The following ATP6V1A variants were observed in gnomAD, a reference collection of about 807,000 sequenced individuals.
The protein encoded by ATP6V1A is V-type proton ATPase catalytic subunit A.
ATP6V1A carries 18 observed loss-of-function variants against 70.1 expected under a neutral mutation model. The observed-to-expected ratio is 0.26, with a 90% confidence interval of 0.18 to 0.38. ATP6V1A has a LOEUF of 0.38. ATP6V1A is among the 10% of genes least tolerant of loss of function. The pLI, the probability that ATP6V1A is intolerant of heterozygous loss-of-function variation, is 1.00. For synonymous variants in ATP6V1A, 232 were observed against 253.8 expected (o/e 0.91, Z 0.82); for missense variants, 424 against 772.4 (o/e 0.55, Z 5.35).
At chr3:113,789,662 AAG>A (rs1491244310) in intron 7 of ATP6V1A, 68 bp from the exon 8 acceptor site, 2 of 1,256,708 alleles carry the variant, frequency 1.6e-6, no homozygotes, top group Non-Finnish European at 2.3e-6. Context: ...TAAAAAAAAA[AAG>A]AAAAATAGGG....
chr3:113,790,158 C>T (rs1709076076), intron 8 of ATP6V1A, among the ~76,000 whole-genome samples: 2 of 151,768 alleles, frequency 1.3e-5, no homozygotes, highest in Admixed American at 1.3e-4. Context: ...TTAATCCCAG[C>T]TACTCGGGAG....
In ATP6V1A at chr3:113,805,397, A is replaced by G. The variant is rs780940245; in HGVS notation, c.1633A>G (p.Ile545Val). The G allele has an allele frequency of 8.7e-6, 14 of 1,614,124 alleles. No individual in the cohort carries two copies. Among genetic ancestry groups the G allele is most frequent in the Middle Eastern group, 1.6e-4 (1 of 6,062 alleles). Reference sequence around the variant, plus strand: ...GACAGTAGGGATGCTGTCCAACATGATTGCATTTTATGATATGGCTCGTAG... The same window carrying G: ...GACAGTAGGGATGCTGTCCAACATGGTTGCATTTTATGATATGGCTCGTAG... ...YKTVGMLSNM[I>V]AFYDMARRAV... Residue 545 changes from isoleucine (I) to valine (V), a missense_variant, in exon 14 of 15, where the codon ATT becomes GTT. Coordinates refer to ENST00000273398, the MANE Select transcript of ATP6V1A (RefSeq NM_001690.4).
intron 12 of ATP6V1A, among the ~76,000 whole-genome samples, chr3:113,800,376 A>G (rs1709198243): frequency 6.6e-6 from 1 of 152,226 alleles, no homozygotes; most frequent in African/African-American, 2.4e-5. Context: ...ATAAGGGGGA[A>G]TACAAAACCA....
At chr3:113,771,399 T>C (rs1388577939) in intron 1 of ATP6V1A, among the ~76,000 whole-genome samples, 1 of 151,704 alleles carries the variant, frequency 6.6e-6, no homozygotes, top group African/African-American at 2.4e-5. Context: ...TTTATTTCAC[T>C]GTGGGGAAAA....
intron 1 of ATP6V1A, among the ~76,000 whole-genome samples, chr3:113,748,394 A>G (rs1336878480): frequency 2.6e-5 from 4 of 152,210 alleles, no homozygotes; most frequent in African/African-American, 7.2e-5. Flanking sequence ...GGTCTTACGA[A>G]TATTACAAAT....
rs73228428 is a variant in ATP6V1A at position 113,782,132 on chromosome 3, C to T, written c.211+954C>T. On this transcript the variant is annotated intron_variant, in intron 3 of 14. Coordinates refer to ENST00000273398, the MANE Select transcript of ATP6V1A (RefSeq NM_001690.4). ...TTTAATCAAGATTTATTTGGTACGA[C>T]GTTTTTGCCATTCTAAAACACATGC... Among the ~76,000 whole-genome samples the T allele has an allele frequency of 6.6e-5, 10 of 152,246 alleles. No individual in the cohort carries two copies. In the East Asian group the frequency reaches 1.9e-3, roughly 29 times the overall value.
At position 113,781,185 on chromosome 3, in the gene ATP6V1A, T is replaced by C. The variant is rs2108027202; in HGVS notation, c.211+7T>C. ...CAGGTGTATGAAGAAACTTGTATCC[T>C]TTTTGGCTCAATTTCCTGCCACTTT... On this transcript the variant is annotated splice_region_variant and intron_variant, in intron 3 of 14. Transcript: ENST00000273398. 1 of 1,596,170 alleles carries C rather than the reference T, an allele frequency of 6.3e-7. No homozygotes were observed. The highest frequency in any genetic ancestry group is 1.1e-5 in the South Asian group (1 of 89,022).
At chr3:113,794,833 C>T (rs1215542554) in intron 8 of ATP6V1A, 39 bp from the exon 9 acceptor site, 3 of 1,579,194 alleles carry the variant, frequency 1.9e-6, no homozygotes, top group Non-Finnish European at 1.7e-6. Context: ...TTTTTATATG[C>T]TAGCATTGTA....
At chr3:113,803,512 T>C (rs1709238959) in intron 12 of ATP6V1A, 71 bp from the exon 13 acceptor site, 2 of 1,124,100 alleles carry the variant, frequency 1.8e-6, no homozygotes, top group Admixed American at 4.1e-5. Context: ...TAGTTTCTGC[T>C]TGTTAATTAA....
chr3:113,794,036 T>C (rs529406549), intron 8 of ATP6V1A, among the ~76,000 whole-genome samples: 4 of 152,274 alleles, frequency 2.6e-5, no homozygotes, highest in Admixed American at 6.5e-5. Context: ...GAAGCCACAC[T>C]GGGAAATCAA....
chr3:113,766,102 A>T (rs1263626413), intron 1 of ATP6V1A, among the ~76,000 whole-genome samples: 1 of 152,138 alleles, frequency 6.6e-6, no homozygotes, highest in Non-Finnish European at 1.5e-5. Context: ...TGGTTGCTGT[A>T]ACAAATTGCC....
At chr3:113,785,321 T>C (rs938561955) in intron 5 of ATP6V1A, among the ~76,000 whole-genome samples, 6 of 152,002 alleles carry the variant, frequency 3.9e-5, no homozygotes, top group African/African-American at 1.4e-4. Flanking sequence ...ACGCCTGTAA[T>C]CCCAGCTAGT....
At position 113,795,091 on chromosome 3, in the gene ATP6V1A, T is replaced by C. The variant is rs752226284; in HGVS notation, c.1113T>C (p.Asp371=). ...ISGRLAEMPA[D]SGYPAYLGAR... ...TTAAAATTTCTTTTCATTTTTCAGATAGTGGATATCCAGCCTATCTTGGTG... is the reference window on the plus strand; with the variant it reads ...TTAAAATTTCTTTTCATTTTTCAGACAGTGGATATCCAGCCTATCTTGGTG... The change falls in exon 10 of 15, where the codon GAT becomes GAC. Residue 371 remains aspartate, a splice_region_variant and synonymous_variant. Coordinates refer to ENST00000273398, the MANE Select transcript of ATP6V1A (RefSeq NM_001690.4). 4 of 1,613,746 alleles carry C rather than the reference T, an allele frequency of 2.5e-6. No individual in the cohort carries two copies. The African/African-American group carries it at 4.0e-5, about 16-fold the overall frequency.
intron 2 of ATP6V1A, chr3:113,780,661 T>G: frequency 1.0e-6 from 1 of 979,818 alleles, no homozygotes; most frequent in Non-Finnish European, 1.4e-6. Flanking sequence ...TTGTGTGGCA[T>G]TCTACCATAC....
chr3:113,762,753 A>T (rs1192026778), intron 1 of ATP6V1A, among the ~76,000 whole-genome samples: 1 of 152,232 alleles, frequency 6.6e-6, no homozygotes, highest in South Asian at 2.1e-4. Flanking sequence ...TTTCATTATT[A>T]TTATTAAGTA....
intron 8 of ATP6V1A, among the ~76,000 whole-genome samples, chr3:113,792,260 C>T (rs1268564846): frequency 6.6e-6 from 1 of 152,042 alleles, no homozygotes; most frequent in Non-Finnish European, 1.5e-5. Flanking sequence ...TCGTCGTTTA[C>T]GATAGGCAGC....
intron 1 of ATP6V1A, among the ~76,000 whole-genome samples, chr3:113,755,620 AAT>A (rs957657085): frequency 6.6e-5 from 10 of 152,148 alleles, no homozygotes; most frequent in Non-Finnish European, 1.2e-4. Flanking sequence ...ATGTAATAAT[AAT>A]ATGTGCTATT....
At chr3:113,800,401 A>G (rs2566964) in intron 12 of ATP6V1A, among the ~76,000 whole-genome samples, 152,173 of 152,296 alleles carry the variant, frequency 1, 76,025 homozygotes, top group Middle Eastern at 1. Flanking sequence ...AATAAAAACA[A>G]TGTGGTATTG....
At position 113,807,020 on chromosome 3, in the gene ATP6V1A, G is replaced by A. The variant is rs117621286; in HGVS notation, c.1761+1495G>A. ...TGTGTGTGTGTTCACACTATAGATTGAAAGTAAACCTGTACAAATAGGTAA... is the reference window on the plus strand; with the variant it reads ...TGTGTGTGTGTTCACACTATAGATTAAAAGTAAACCTGTACAAATAGGTAA... On this transcript the variant is annotated intron_variant, in intron 14 of 14. Transcript: ENST00000273398. 5.4e-3 allele frequency among the ~76,000 whole-genome samples: 814 copies of A among 151,938 alleles called. 16 individuals carry two copies. Among genetic ancestry groups the A allele is most frequent in the Admixed American group, 0.034 (521 of 15,270 alleles).
Sources: gnomAD v4.1 joint callset for allele counts (sites outside exome capture counted in the v4.1 genomes callset) on GRCh38, gnomAD v4.1.1 for gene constraint, MANE v1.5 for transcripts, NCBI Gene and HGNC (gene_info 2026-07-23, HGNC 2026-07-21) for gene names.